Variants in SEC24D observed in about 807,000 individuals in gnomAD.
SEC24D encodes the protein protein transport protein Sec24D.
A neutral mutation model predicts 116.9 loss-of-function variants in SEC24D; 69 were observed. The observed-to-expected ratio is 0.59, with a 90% CI of 0.49 to 0.72. SEC24D has a LOEUF of 0.72. Among genes scored for constraint, SEC24D ranks in the 30% least tolerant of loss-of-function variants. The pLI is 0.00. For synonymous variants in SEC24D, 405 were observed against 442.8 expected, an observed-to-expected ratio of 0.91 and a Z score of 1.07; for missense variants, 1,131 against 1,264.1, an observed-to-expected ratio of 0.89 and a Z score of 1.60.
chr4:118,797,782 A>G lies in SEC24D; in HGVS notation c.942T>C (p.Cys314=). ...QGNASPRFIR[C]TTYCFPCTSD... is the part of the protein sequence containing the mutation. ...ACGTGCATGGAAAACAGTATGTTGT[A>G]CAACGGATGAATCGAGGACTGGCAT... Residue 314 remains cysteine, a synonymous_variant, in exon 8 of 23, where the codon TGT becomes TGC. Transcript: ENST00000280551. 1 of 1,607,378 alleles carries G rather than the reference A, an allele frequency of 6.2e-7. No homozygotes were observed. Among genetic ancestry groups the G allele is most frequent in the Non-Finnish European group, 8.5e-7 (1 of 1,175,390 alleles).
At chr4:118,744,190 T>A (rs28627331) in intron 14 of SEC24D, 32 bp from the exon 15 acceptor site, 1 of 1,486,710 alleles carries the variant, frequency 6.7e-7, no homozygotes, top group Non-Finnish European at 9.0e-7. Flanking sequence ...AAAGAAAAAA[T>A]AAAAATTACA....
rs577506531 is a variant in SEC24D at position 118,792,052 on chromosome 4, C to T, written c.1041+5631G>A. On this transcript the variant is annotated intron_variant, in intron 8 of 22. Coordinates refer to ENST00000280551, the MANE Select transcript of SEC24D (RefSeq NM_014822.4). Reference sequence around the variant, plus strand: ...GTCTAGGAAGTGAGGAGCGTCTCTGCCTGGCCGCCCATCATCTGGGATGTG... The same window carrying T: ...GTCTAGGAAGTGAGGAGCGTCTCTGTCTGGCCGCCCATCATCTGGGATGTG... 3.3e-5 allele frequency among the ~76,000 whole-genome samples: 5 copies of T among 151,790 alleles called. No homozygotes were observed. The East Asian group carries it at 9.7e-4, about 30-fold the overall frequency.
At chr4:118,778,055 T>G (rs974860583) in intron 8 of SEC24D, among the ~76,000 whole-genome samples, 54 of 152,224 alleles carry the variant, frequency 3.5e-4, no homozygotes, top group African/African-American at 1.3e-3. Flanking sequence ...ATTCTGTAGG[T>G]TGCCTGTTCA....
At chr4:118,765,676 G>A (rs1234444844) in intron 9 of SEC24D, among the ~76,000 whole-genome samples, 2 of 152,130 alleles carry the variant, frequency 1.3e-5, no homozygotes, top group Non-Finnish European at 2.9e-5. Flanking sequence ...CAATGCTCTG[G>A]TTTTAAACTT....
intron 8 of SEC24D, among the ~76,000 whole-genome samples, chr4:118,792,314 G>T (rs1462366936): frequency 1.4e-4 from 21 of 151,510 alleles, no homozygotes; most frequent in Admixed American, 1.4e-3. Flanking sequence ...CCGGGAGGTG[G>T]GGGGGCGCCT....
intron 15 of SEC24D, among the ~76,000 whole-genome samples, chr4:118,743,352 T>C (rs2110444829): frequency 8.7e-6 from 1 of 114,682 alleles, no homozygotes. Context: ...CCTATATATA[T>C]ATATACACAC....
intron 11 of SEC24D, among the ~76,000 whole-genome samples, chr4:118,756,855 A>G (rs1287064841): frequency 2.6e-5 from 4 of 152,182 alleles, no homozygotes; most frequent in Non-Finnish European, 4.4e-5. Flanking sequence ...AGGAGAGGCA[A>G]TAAGAGAGAA....
intron 15 of SEC24D, among the ~76,000 whole-genome samples, chr4:118,743,392 T>A (rs1000594455): frequency 1.3e-5 from 2 of 152,142 alleles, no homozygotes; most frequent in East Asian, 1.9e-4. Context: ...TGTCTCTCGT[T>A]ATCTGTGAGG....
intron 22 of SEC24D, among the ~76,000 whole-genome samples, chr4:118,726,307 T>G (rs1414047197): frequency 6.6e-6 from 1 of 152,134 alleles, no homozygotes; most frequent in Non-Finnish European, 1.5e-5. Context: ...AAAGAGTCAC[T>G]GAGAAAGAAG....
intron 13 of SEC24D, among the ~76,000 whole-genome samples, chr4:118,750,026 T>C (rs937780809): frequency 6.6e-6 from 1 of 152,248 alleles, no homozygotes; most frequent in Non-Finnish European, 1.5e-5. Flanking sequence ...TAGTTTCTTC[T>C]CATTTTTAAA....
chr4:118,763,602 CAAG>C (rs987496591), intron 10 of SEC24D, among the ~76,000 whole-genome samples: 1 of 152,094 alleles, frequency 6.6e-6, no homozygotes, highest in Admixed American at 6.6e-5. Flanking sequence ...GAATGATACG[CAAG>C]AAGATGTGAT....
intron 11 of SEC24D, among the ~76,000 whole-genome samples, chr4:118,753,330 C>A (rs766614720): frequency 6.6e-6 from 1 of 152,078 alleles, no homozygotes; most frequent in South Asian, 2.1e-4. Flanking sequence ...AGGACAGCTG[C>A]TTTTATTGAG....
intron 17 of SEC24D, 86 bp from the exon 18 acceptor site, chr4:118,739,373 C>T (rs1726123279): frequency 4.7e-6 from 6 of 1,286,702 alleles, no homozygotes; most frequent in Non-Finnish European, 6.5e-6. Flanking sequence ...TTACAAAACA[C>T]TGTGTACAGA....
At chr4:118,830,142 T>G (rs114420700) in intron 2 of SEC24D, among the ~76,000 whole-genome samples, 1 of 152,206 alleles carries the variant, frequency 6.6e-6, no homozygotes. Context: ...ACAATATGCA[T>G]AGAAAGATAT....
chr4:118,793,311 CA>C (rs1349449997), intron 8 of SEC24D, among the ~76,000 whole-genome samples: 8 of 151,058 alleles, frequency 5.3e-5, no homozygotes, highest in Admixed American at 4.6e-4. Context: ...ACTAAAAATA[CA>C]AAAAATTAGC....
At chr4:118,816,088 ATTTT>A (rs34404398) in intron 4 of SEC24D, among the ~76,000 whole-genome samples, 5,167 of 101,252 alleles carry the variant, frequency 0.051, 103 homozygotes, top group Non-Finnish European at 0.072. Flanking sequence ...CGCCAAGTTC[ATTTT>A]TTTTTTTTTT....
At chr4:118,825,355 A>G (rs1022955859) in intron 2 of SEC24D, 2 of 329,078 alleles carry the variant, frequency 6.1e-6, no homozygotes, top group African/African-American at 4.3e-5. Context: ...GCTTGCTCAG[A>G]CAAAATATGG....
intron 8 of SEC24D, among the ~76,000 whole-genome samples, chr4:118,772,215 T>C (rs1277468525): frequency 6.6e-6 from 1 of 152,176 alleles, no homozygotes; most frequent in Non-Finnish European, 1.5e-5. Context: ...AATGAGGAAT[T>C]AAAGAAAGCA....
At chr4:118,730,558 T>C (rs965520768) in intron 21 of SEC24D, 1 of 152,254 alleles carries the variant, frequency 6.6e-6, no homozygotes. Context: ...AACTATCTGC[T>C]GAGCTCTACT....
Sources: allele counts gnomAD v4.1 joint callset (sites outside exome capture counted in the v4.1 genomes callset), GRCh38; gene constraint gnomAD v4.1.1; transcripts MANE v1.5; gene names NCBI Gene and HGNC (gene_info 2026-07-23, HGNC 2026-07-21).